The following ANO6 variants were observed in gnomAD, a reference collection of about 807,000 sequenced individuals.
ANO6 encodes the protein anoctamin 6.
A neutral mutation model predicts 117.5 loss-of-function variants in ANO6; 106 were observed. The observed-to-expected ratio is 0.90, with a 90% CI of 0.77 to 1.06. ANO6 has a LOEUF of 1.06. ANO6 is among the 50% of genes least tolerant of loss of function. The pLI is 0.00. For missense variants in ANO6, 955 were observed against 1,121.1 expected (o/e 0.85, Z 2.12); for synonymous variants, 367 against 385.1 (o/e 0.95, Z 0.55).
chr12:45,367,665 A>C (rs774902375), intron 8 of ANO6, 23 bp from the exon 9 acceptor site: 2 of 1,593,046 alleles, frequency 1.3e-6, no homozygotes, highest in South Asian at 2.2e-5. Context: ...TTTTAAAATT[A>C]AGTTTTATTT....
chr12:45,407,595 C>T (rs1826146599), intron 15 of ANO6, among the ~76,000 whole-genome samples: 1 of 149,378 alleles, frequency 6.7e-6, no homozygotes, highest in African/African-American at 2.5e-5. Context: ...CCATGTCATG[C>T]TTGTATGTGC....
rs767728300 is a variant in ANO6 at position 45,429,163 on chromosome 12, G to T, written c.2585G>T (p.Arg862Leu). The change falls in exon 20 of 20, where the codon CGC becomes CTC. Residue 862 changes from arginine (R) to leucine (L), a missense_variant. Arg to Leu is a moderately radical substitution (Grantham distance 102, BLOSUM62 -2). Transcript: ENST00000320560. ...TATGCAATTCCCGATGTATCAAAAC[G>T]CACAAAGAGCAAGATCCAGAGAGAA... ...ISYAIPDVSK[R>L]TKSKIQREKY... 2.5e-6 allele frequency: 4 copies of T among 1,613,666 alleles called. No homozygotes were observed. The highest frequency in any genetic ancestry group is 3.4e-6 in the Non-Finnish European group (4 of 1,179,882).
chr12:45,373,897 C>G (rs11533629), intron 9 of ANO6, among the ~76,000 whole-genome samples: 8,484 of 152,086 alleles, frequency 0.056, 473 homozygotes, highest in East Asian at 0.32. Context: ...CAGAAAAAAC[C>G]CTTCAAAAAA....
chr12:45,439,988 C>A, exon 20 of ANO6: 2 of 1,434,434 alleles, frequency 1.4e-6, no homozygotes, highest in Non-Finnish European at 1.8e-6. Context: ...ATTATGTGGC[C>A]AGCATTGTTT....
intron 3 of ANO6, among the ~76,000 whole-genome samples, chr12:45,345,371 G>A (rs191790727): frequency 2.0e-4 from 31 of 152,220 alleles, no homozygotes; most frequent in Non-Finnish European, 4.4e-4. Flanking sequence ...TCTAGGCCCT[G>A]TGCATAGCAC....
At chr12:45,366,398 A>G (rs1024240013) in intron 8 of ANO6, among the ~76,000 whole-genome samples, 2 of 151,232 alleles carry the variant, frequency 1.3e-5, no homozygotes, top group African/African-American at 2.4e-5. Flanking sequence ...CTCATTTTCT[A>G]CCTGGAATTG....
intron 3 of ANO6, 140 bp downstream of exon 3, chr12:45,331,563 T>C (rs1202796906): frequency 1.1e-6 from 1 of 889,744 alleles, no homozygotes; most frequent in East Asian, 2.8e-5. Flanking sequence ...CTGCTCATGT[T>C]TTCTCAAAGC....
At chr12:45,313,627 G>A (rs1939917231) in intron 2 of ANO6, 1 of 151,932 alleles carries the variant, frequency 6.6e-6, no homozygotes, top group African/African-American at 2.4e-5. Context: ...AATTAGTTCT[G>A]TTCTTCTTAG....
At position 45,407,482 on chromosome 12, in the gene ANO6, ACCCCCCCC is replaced by A. The variant is rs77486208; in HGVS notation, c.1881-1865_1881-1858del. ...TGTGGTCCTTGGTGCTACCTGAGTC[ACCCCCCCC>A]CCCCCCCCCGGAATGACTGCAAAAC... On this transcript the variant is annotated intron_variant, in intron 15 of 19. Transcript: ENST00000320560. Among the ~76,000 whole-genome samples the A allele has an allele frequency of 8.5e-4, 8 of 9,428 alleles. 2 individuals carry two copies. The highest frequency in any genetic ancestry group is 1.4e-3 in the Non-Finnish European group (6 of 4,296). The allele number at this position is 9,428 out of a possible 152,430, so 6.2% of individuals were successfully genotyped here.
intron 2 of ANO6, among the ~76,000 whole-genome samples, chr12:45,319,903 G>T (rs1009602094): frequency 3.3e-5 from 5 of 152,124 alleles, no homozygotes; most frequent in Admixed American, 2.0e-4. Flanking sequence ...GTTTATTGGC[G>T]TAGAAGTGTT....
chr12:45,327,546 G>A (rs1940511612), intron 2 of ANO6, among the ~76,000 whole-genome samples: 1 of 152,176 alleles, frequency 6.6e-6, no homozygotes, highest in Non-Finnish European at 1.5e-5. Context: ...TGGAGGAACT[G>A]TTTTACTAAA....
intron 8 of ANO6, among the ~76,000 whole-genome samples, chr12:45,365,181 A>G (rs948472692): frequency 1.3e-5 from 2 of 152,194 alleles, no homozygotes; most frequent in Admixed American, 6.5e-5. Context: ...ACGCTCCAGC[A>G]GGTAGTTTTC....
chr12:45,401,643 T>A (rs912831498), intron 12 of ANO6, 152 bp from the exon 13 acceptor site: 2 of 690,622 alleles, frequency 2.9e-6, no homozygotes, highest in African/African-American at 1.8e-5. Flanking sequence ...TTTAAAAAAT[T>A]TAACATGCCA....
At chr12:45,216,663 C>CGG (rs1947318596) in intron 1 of ANO6, among the ~76,000 whole-genome samples, 1 of 152,204 alleles carries the variant, frequency 6.6e-6, no homozygotes, top group Non-Finnish European at 1.5e-5. Context: ...CTGGCAGCTG[C>CGG]GGGGACGCCT....
At chr12:45,342,955 A>G (rs1022099635) in intron 3 of ANO6, among the ~76,000 whole-genome samples, 1 of 152,164 alleles carries the variant, frequency 6.6e-6, no homozygotes, top group African/African-American at 2.4e-5. Flanking sequence ...GACACCAAGA[A>G]GAGAGGTGGT....
At chr12:45,370,794 C>T (rs1941804423) in intron 9 of ANO6, among the ~76,000 whole-genome samples, 1 of 152,166 alleles carries the variant, frequency 6.6e-6, no homozygotes, top group South Asian at 2.1e-4. Context: ...GATTGTTCCC[C>T]AGAGCAGGCA....
At chr12:45,335,036 C>T (rs1940786281) in intron 3 of ANO6, among the ~76,000 whole-genome samples, 1 of 151,940 alleles carries the variant, frequency 6.6e-6, no homozygotes, top group Non-Finnish European at 1.5e-5. Flanking sequence ...ACAGTGGGAA[C>T]AACCCTGAAT....
intron 1 of ANO6, among the ~76,000 whole-genome samples, chr12:45,246,740 A>G (rs1318035958): frequency 1.3e-5 from 2 of 148,964 alleles, no homozygotes; most frequent in East Asian, 3.9e-4. Context: ...ATGACTTCAC[A>G]TGGGCTAGTT....
intron 15 of ANO6, among the ~76,000 whole-genome samples, chr12:45,408,215 C>CA: frequency 6.6e-6 from 1 of 152,146 alleles, no homozygotes. Context: ...TTCTCATTGT[C>CA]AGAGTTTGAA....
Sources: allele counts gnomAD v4.1 joint callset (sites outside exome capture counted in the v4.1 genomes callset), GRCh38; gene constraint gnomAD v4.1.1; transcripts MANE v1.5; gene names NCBI Gene and HGNC (gene_info 2026-07-23, HGNC 2026-07-21).